Variants in FGF13 observed in about 807,000 individuals in gnomAD.
FGF13 encodes fibroblast growth factor homologous factor 2.
In FGF13, 2 loss-of-function variants were observed where a neutral mutation model predicts 19.5. That is an observed-to-expected ratio of 0.10 (90% confidence interval 0.04 to 0.32). The LOEUF (loss-of-function observed/expected upper bound fraction) is 0.32, where lower values mean the gene tolerates loss of function less well. Among genes scored for constraint, FGF13 ranks in the 10% least tolerant of loss-of-function variants. The probability of loss-of-function intolerance (pLI) is 1.00; values close to 1 mark genes in which losing one functional copy is unlikely to be tolerated. For synonymous variants in FGF13, 72 were observed against 76.9 expected, an observed-to-expected ratio of 0.94 and a Z score of 0.33; for missense variants, 113 against 192.7, an observed-to-expected ratio of 0.59 and a Z score of 2.45.
intron 3 of FGF13, among the ~76,000 whole-genome samples, chrX:138,753,741 G>GCTGA (rs1036991409): frequency 8.9e-6 from 1 of 112,018 alleles, no homozygotes; most frequent in African/African-American, 3.2e-5. Flanking sequence ...ATGTGTCCTG[G>GCTGA]CTGACTACAC....
intron 3 of FGF13, among the ~76,000 whole-genome samples, chrX:138,821,462 G>A (rs2090999192): frequency 8.9e-6 from 1 of 111,891 alleles, no homozygotes; most frequent in Non-Finnish European, 1.9e-5. Flanking sequence ...TGATGAAATT[G>A]AAATACAAAA....
Position 138,626,979 on chromosome X carries a change from A to G in FGF13, c.*5871T>C, listed in dbSNP as rs2089068671. Reference sequence around the variant, plus strand: ...GGAAGAAAATAACACTTGGATGGTAATCATCCAGTTTGTCCCAGGGTATTA... The same window carrying G: ...GGAAGAAAATAACACTTGGATGGTAGTCATCCAGTTTGTCCCAGGGTATTA... On this transcript the variant is annotated 3_prime_UTR_variant, in exon 5 of 5. Transcript: ENST00000315930. The G allele has an allele frequency of 8.9e-6, 1 of 112,018 alleles. No homozygotes were observed. The highest frequency in any genetic ancestry group is 9.5e-5 in the Admixed American group (1 of 10,527). 9.2% of individuals were successfully genotyped at this position (112,018 alleles called of 1,213,427 possible).
chrX:138,733,455 T>C (rs2090248370), intron 1 of FGF13, among the ~76,000 whole-genome samples: 1 of 111,545 alleles, frequency 9.0e-6, no homozygotes, highest in Non-Finnish European at 1.9e-5. Flanking sequence ...CTAAAATATA[T>C]AAAGATCTTT....
intron 1 of FGF13, among the ~76,000 whole-genome samples, chrX:138,899,201 G>T (rs182964713): frequency 2.5e-4 from 28 of 111,234 alleles, no homozygotes; most frequent in African/African-American, 6.5e-4. Context: ...GTGTTTTTTG[G>T]GGGGGTTGGG....
intron 1 of FGF13, among the ~76,000 whole-genome samples, chrX:138,879,755 C>T (rs2124178894): frequency 9.1e-6 from 1 of 109,655 alleles, no homozygotes; most frequent in African/African-American, 3.3e-5. Flanking sequence ...CAATGCCATT[C>T]AGCACATAGG....
At chrX:138,796,049 GTCTT>G (rs958668160) in intron 3 of FGF13, among the ~76,000 whole-genome samples, 5 of 110,223 alleles carry the variant, frequency 4.5e-5, no homozygotes, top group African/African-American at 1.7e-4. Context: ...TAAGTTTTGT[GTCTT>G]TCTTTTTTTT....
At chrX:138,899,204 G>A (rs750738018) in intron 1 of FGF13, among the ~76,000 whole-genome samples, 36 of 111,470 alleles carry the variant, frequency 3.2e-4, no homozygotes, top group African/African-American at 1.2e-3. Context: ...TTTTTTGGGG[G>A]GGTTGGGTTA....
chrX:139,160,961 C>T (rs754812865), intron 1 of FGF13, among the ~76,000 whole-genome samples: 118 of 111,437 alleles, frequency 1.1e-3, no homozygotes, highest in Admixed American at 3.4e-3. Flanking sequence ...TTCCAAACAA[C>T]GGAAAAAGAG....
At chrX:138,941,903 G>A (rs1019821602) in intron 1 of FGF13, among the ~76,000 whole-genome samples, 2 of 112,297 alleles carry the variant, frequency 1.8e-5, no homozygotes, top group Non-Finnish European at 3.8e-5. Flanking sequence ...ATCTGGAAGA[G>A]CACCAGATAG....
At chrX:139,022,918 C>T (rs1301242419) in intron 1 of FGF13, among the ~76,000 whole-genome samples, 1 of 111,512 alleles carries the variant, frequency 9.0e-6, no homozygotes, top group Non-Finnish European at 1.9e-5. Flanking sequence ...AAGCACTATT[C>T]AAATGCTTGA....
At position 139,081,616 on chromosome X, in the gene FGF13, A is replaced by C. The variant is rs143855858; in HGVS notation, c.-113+121800T>G. 8.6e-3 allele frequency among the ~76,000 whole-genome samples: 958 copies of C among 111,475 alleles called. 9 individuals are homozygous for C. Among genetic ancestry groups the C allele is most frequent in the African/African-American group, 0.029 (884 of 30,636 alleles). On this transcript the variant is annotated intron_variant, in intron 1 of 2. Transcript: ENST00000421460. ...TCACTCTTTACTCATCTGAAACTGA[A>C]GTCTTGATTTTTTCCTGCAAACCCT...
At chrX:138,890,600 TA>T (rs2091472094) in intron 1 of FGF13, among the ~76,000 whole-genome samples, 1 of 112,247 alleles carries the variant, frequency 8.9e-6, no homozygotes, top group Admixed American at 9.5e-5. Flanking sequence ...TACTGATAAT[TA>T]AAGTACAGAG....
rs1465354740 is a variant in FGF13 at position 138,629,330 on chromosome X, G to C, written c.*3520C>G. On this transcript the variant is annotated 3_prime_UTR_variant, in exon 5 of 5. Coordinates refer to ENST00000315930, the MANE Select transcript of FGF13 (RefSeq NM_004114.5). ...TTCAGAAATTAATTTGCTAATGCAC[G>C]CTAATCCTGAAGAAAGGAATAGTGT... 8.9e-6 allele frequency: 1 copy of C among 112,124 alleles called. No individual in the cohort carries two copies. Among genetic ancestry groups the C allele is most frequent in the East Asian group, 2.8e-4 (1 of 3,560 alleles). The allele number at this position is 112,124 out of a possible 1,213,427, so 9.2% of individuals were successfully genotyped here.
At chrX:138,935,329 C>T (rs975402066) in intron 1 of FGF13, among the ~76,000 whole-genome samples, 1 of 111,962 alleles carries the variant, frequency 8.9e-6, no homozygotes, top group Non-Finnish European at 1.9e-5. Context: ...CTCTTTCACA[C>T]AGCTTCACAC....
intron 1 of FGF13, among the ~76,000 whole-genome samples, chrX:139,149,031 G>C (rs1055535262): frequency 9.0e-6 from 1 of 111,445 alleles, no homozygotes; most frequent in African/African-American, 3.3e-5. Flanking sequence ...CTTCTCAAAG[G>C]CAACTTGAAC....
At chrX:139,033,052 A>AC (rs1382896516) in intron 1 of FGF13, among the ~76,000 whole-genome samples, 1 of 102,119 alleles carries the variant, frequency 9.8e-6, no homozygotes, top group African/African-American at 3.6e-5. Flanking sequence ...AAAAAAAAAA[A>AC]AAACTACAGC....
chrX:139,021,195 T>A (rs1221170956), intron 1 of FGF13, among the ~76,000 whole-genome samples: 2 of 111,173 alleles, frequency 1.8e-5, no homozygotes, highest in African/African-American at 6.5e-5. Flanking sequence ...AACAGTTAAT[T>A]ACATTTACAA....
At chrX:138,661,304 T>C (rs1031151133) in intron 3 of FGF13, among the ~76,000 whole-genome samples, 2 of 112,284 alleles carry the variant, frequency 1.8e-5, no homozygotes, top group Non-Finnish European at 3.8e-5. Flanking sequence ...GGTGCTCCTC[T>C]ACAATTGACA....
At chrX:139,135,689 G>T in intron 1 of FGF13, among the ~76,000 whole-genome samples, 1 of 111,556 alleles carries the variant, frequency 9.0e-6, no homozygotes, top group Non-Finnish European at 1.9e-5. Flanking sequence ...TATGTGCCAT[G>T]TTTCTGCAAT....
Sources: allele counts gnomAD v4.1 joint callset (sites outside exome capture counted in the v4.1 genomes callset), GRCh38; gene constraint gnomAD v4.1.1; transcripts MANE v1.5; gene names NCBI Gene and HGNC (gene_info 2026-07-23, HGNC 2026-07-21).